RASGRP1: variants seen among roughly 807,000 people sequenced by gnomAD.
RASGRP1 encodes RAS guanyl releasing protein 1.
In RASGRP1, 37 loss-of-function variants were observed where a neutral mutation model predicts 95.1. The observed-to-expected ratio is 0.39, with a 90% confidence interval of 0.30 to 0.51. RASGRP1 has a LOEUF of 0.51. Ranked by LOEUF, RASGRP1 falls within the 20% of genes least tolerant of loss-of-function variation. The pLI is 0.80. For synonymous variants in RASGRP1, 325 were observed against 353.4 expected, an observed-to-expected ratio of 0.92 and a Z score of 0.90; for missense variants, 711 against 965.4, an observed-to-expected ratio of 0.74 and a Z score of 3.49.
chr15:38,512,256 G>A (rs1354036714), intron 7 of RASGRP1, among the ~76,000 whole-genome samples: 2 of 152,152 alleles, frequency 1.3e-5, no homozygotes, highest in Non-Finnish European at 1.5e-5. Flanking sequence ...ATTTTCCCAT[G>A]CAATGCCAGT....
intron 4 of RASGRP1, among the ~76,000 whole-genome samples, chr15:38,519,055 T>A (rs1891897175): frequency 6.6e-6 from 1 of 152,140 alleles, no homozygotes; most frequent in South Asian, 2.1e-4. Flanking sequence ...AGAACAAAAA[T>A]AAAGAAAATA....
chr15:38,516,843 G>A (rs1028424238), intron 5 of RASGRP1, among the ~76,000 whole-genome samples: 14 of 152,212 alleles, frequency 9.2e-5, no homozygotes, highest in Admixed American at 3.9e-4. Context: ...GGAATCACGC[G>A]TAGAAACATA....
intron 5 of RASGRP1, among the ~76,000 whole-genome samples, chr15:38,516,941 G>A (rs1891812937): frequency 6.6e-6 from 1 of 151,984 alleles, no homozygotes; most frequent in African/African-American, 2.4e-5. Flanking sequence ...CCTAGAGTGC[G>A]CCCTGCCCCC....
In RASGRP1 at chr15:38,512,858, T is replaced by C. The variant is rs1160855166; in HGVS notation, c.774A>G (p.Val258=). ...IALCNGISQW[V]QLMVLSRPTP... is the part of the protein sequence containing the mutation. ...TGGGGCGGCTGAGAACCATCAGTTGTACCCACTGGGAGATGCCGTTGCACA... is the reference window on the plus strand; with the variant it reads ...TGGGGCGGCTGAGAACCATCAGTTGCACCCACTGGGAGATGCCGTTGCACA... The change falls in exon 7 of 17, where the codon GTA becomes GTG. Residue 258 remains valine (V), a synonymous_variant. Coordinates refer to ENST00000310803, the MANE Select transcript of RASGRP1 (RefSeq NM_005739.4). 3.1e-6 allele frequency: 5 copies of C among 1,613,486 alleles called. No individual in the cohort carries two copies. The African/African-American group carries it at 4.0e-5, about 13-fold the overall frequency.
In RASGRP1 at chr15:38,490,615, G is replaced by T. The variant is rs1355081514; in HGVS notation, c.2333C>A (p.Ser778Tyr). The T allele has an allele frequency of 1.2e-6, 2 of 1,613,014 alleles. No homozygotes were observed. The highest frequency in any genetic ancestry group is 1.7e-5 in the Admixed American group (1 of 59,976). Residue 778 changes from serine to tyrosine, a missense_variant, in exon 17 of 17, where the codon TCC (serine) becomes TAC (tyrosine). Transcript: ENST00000310803. ...QLKYAQKKIESLQLEKSNHVL... is the reference protein window; with the variant it reads ...QLKYAQKKIEYLQLEKSNHVL... ...ATGATTGCTTTTTTCAAGCTGGAGG[G>T]ATTCTATTTTCTTCTGTGCATATTT...
At chr15:38,518,569 G>T in intron 4 of RASGRP1, 146 bp from the exon 5 acceptor site, 1 of 817,674 alleles carries the variant, frequency 1.2e-6, no homozygotes, top group Non-Finnish European at 1.9e-6. Context: ...AAGGAGCTGG[G>T]GTGGGAGCAG....
rs758877295 is a variant in RASGRP1, at chr15:38,488,953, CACTA to C, written c.*1597_*1600del. 1.3e-5 allele frequency: 2 copies of C among 151,920 alleles called. No individual in the cohort carries two copies. The highest frequency in any genetic ancestry group is 4.8e-5 in the African/African-American group (2 of 41,408). 9.4% of individuals were successfully genotyped at this position (151,920 alleles called of 1,614,324 possible). On this transcript the variant is annotated 3_prime_UTR_variant, in exon 17 of 17. Transcript: ENST00000310803. The stretch of plus-strand genomic sequence containing the variant: ...AACTATTCTTTATAATGTAATGAAA[CACTA>C]ACTACAAGCTAGTTCTATATCACTA...
chr15:38,502,222 C>CT, intron 12 of RASGRP1, 90 bp downstream of exon 12: 2 of 879,870 alleles, frequency 2.3e-6, no homozygotes, highest in South Asian at 1.7e-5. Context: ...AGCAACATAT[C>CT]TGAGTTTTCA....
chr15:38,548,517 T>C (rs1024656416), intron 2 of RASGRP1, among the ~76,000 whole-genome samples: 3 of 152,202 alleles, frequency 2.0e-5, no homozygotes, highest in Non-Finnish European at 4.4e-5. Context: ...GAGACTGCAG[T>C]GAGCCAAGAT....
rs373430200 is a variant in RASGRP1 at position 38,545,472 on chromosome 15, G to T, written c.220+14349C>A. On this transcript the variant is annotated intron_variant, in intron 2 of 16. Coordinates refer to ENST00000310803, the MANE Select transcript of RASGRP1 (RefSeq NM_005739.4). ...ATTATTAAATGACTCCAACCCTGTG[G>T]CCACAGTCAATTCATTCAAGCAGTA... 5.3e-5 allele frequency among the ~76,000 whole-genome samples: 8 copies of T among 151,558 alleles called. No homozygotes were observed. In the East Asian group the frequency reaches 1.4e-3, roughly 26 times the overall value.
chr15:38,537,441 G>C (rs1892697167), intron 2 of RASGRP1, among the ~76,000 whole-genome samples: 4 of 152,028 alleles, frequency 2.6e-5, no homozygotes, highest in Admixed American at 2.0e-4. Context: ...CATCTGGCTG[G>C]GTAGTTATGC....
intron 2 of RASGRP1, among the ~76,000 whole-genome samples, chr15:38,552,362 C>T (rs896854843): frequency 2.0e-5 from 3 of 152,292 alleles, no homozygotes; most frequent in African/African-American, 4.8e-5. Flanking sequence ...CTTCCCACCT[C>T]AACATTTTGT....
intron 6 of RASGRP1, among the ~76,000 whole-genome samples, chr15:38,513,333 C>T (rs1053401156): frequency 6.6e-6 from 1 of 152,058 alleles, no homozygotes; most frequent in Non-Finnish European, 1.5e-5. Context: ...AAGGTAATTC[C>T]CCTGACAAAA....
intron 8 of RASGRP1, among the ~76,000 whole-genome samples, chr15:38,509,073 A>G (rs1473234449): frequency 1.3e-5 from 2 of 151,426 alleles, no homozygotes; most frequent in Non-Finnish European, 2.9e-5. Context: ...ATGAAGTACA[A>G]AAGAGAAACT....
chr15:38,494,644 C>T lies in RASGRP1; in HGVS notation c.1997G>A (p.Arg666Lys). The T allele has an allele frequency of 4.5e-6, 7 of 1,552,850 alleles. No homozygotes were observed. The highest frequency in any genetic ancestry group is 6.1e-6 in the Non-Finnish European group (7 of 1,155,414). Residue 666 changes from arginine to lysine, a missense_variant, in exon 16 of 17, where the codon AGG becomes AAG. Around this residue, in one of 3 missense-constraint regions of RASGRP1, gnomAD observed 212 missense variants for 247.8 expected, o/e 0.86. Coordinates refer to ENST00000310803, the MANE Select transcript of RASGRP1 (RefSeq NM_005739.4). Reference sequence around the variant, plus strand: ...CTGGGTGGCCTTGTGGGCAACAGCCCTCTTCAGCCGAAGAGAAATCTTCTG... The same window carrying T: ...CTGGGTGGCCTTGTGGGCAACAGCCTTCTTCAGCCGAAGAGAAATCTTCTG... ...SSQKISLRLK[R>K]AVAHKATQTE...
chr15:38,562,149 A>G (rs1238637889), intron 1 of RASGRP1, among the ~76,000 whole-genome samples: 2 of 152,212 alleles, frequency 1.3e-5, no homozygotes, highest in Non-Finnish European at 2.9e-5. Flanking sequence ...ATTTCACAAC[A>G]TCAGGATTAG....
rs546062138 is a variant in RASGRP1, at chr15:38,528,151, C to T, written c.221-1747G>A. On this transcript the variant is annotated intron_variant, in intron 2 of 16. Coordinates refer to ENST00000310803, the MANE Select transcript of RASGRP1 (RefSeq NM_005739.4). ...TCCCCCTTTCTCAAGGACGTTGATCCTGCATTTGTCCATTTTCTCTCCCAC... is the reference window on the plus strand; with the variant it reads ...TCCCCCTTTCTCAAGGACGTTGATCTTGCATTTGTCCATTTTCTCTCCCAC... Among the ~76,000 whole-genome samples, 4 of 152,084 alleles carry T rather than the reference C, an allele frequency of 2.6e-5. No homozygotes were observed. In the East Asian group the frequency reaches 7.8e-4, roughly 29 times the overall value.
chr15:38,526,210 C>T, intron 3 of RASGRP1, 89 bp downstream of exon 3: 1 of 1,057,478 alleles, frequency 9.5e-7, no homozygotes, highest in East Asian at 2.5e-5. Flanking sequence ...TTATTCCAAA[C>T]CAATAAAAAT....
At chr15:38,528,528 T>C (rs1233429275) in intron 2 of RASGRP1, among the ~76,000 whole-genome samples, 1 of 152,182 alleles carries the variant, frequency 6.6e-6, no homozygotes, top group Non-Finnish European at 1.5e-5. Flanking sequence ...CTCTCTTTCC[T>C]GGAACACTTT....
Sources: gnomAD v4.1 joint callset for allele counts (sites outside exome capture counted in the v4.1 genomes callset) on GRCh38, gnomAD v4.1.1 for gene constraint, gnomAD v4.1.1 regional missense constraint, MANE v1.5 for transcripts, NCBI Gene and HGNC (gene_info 2026-07-23, HGNC 2026-07-21) for gene names.